NUP62CL: variants seen among roughly 807,000 people sequenced by gnomAD.
NUP62CL encodes nucleoporin 62 C-terminal like.
A neutral mutation model predicts 15.3 loss-of-function variants in NUP62CL; 13 were observed. That is an observed-to-expected ratio of 0.85 (90% CI 0.55 to 1.35). The LOEUF is 1.35. Among genes scored for constraint, NUP62CL ranks in the 40% most tolerant of loss-of-function variants. The probability of loss-of-function intolerance (pLI) is 0.00; values close to 1 mark genes in which losing one functional copy is unlikely to be tolerated. For missense variants in NUP62CL, 123 were observed against 130.6 expected (o/e 0.94, Z 0.28); for synonymous variants, 54 against 49.2 (o/e 1.10, Z -0.41).
chrX:107,198,712 G>T (rs1927415855), intron 1 of NUP62CL, among the ~76,000 whole-genome samples: 1 of 111,532 alleles, frequency 9.0e-6, no homozygotes, highest in African/African-American at 3.3e-5. Context: ...AACACTCACT[G>T]CAAAGGTCTG....
chrX:107,186,902 A>G (rs1335829634), intron 2 of NUP62CL, among the ~76,000 whole-genome samples: 1 of 111,838 alleles, frequency 8.9e-6, no homozygotes, highest in East Asian at 2.8e-4. Flanking sequence ...AAACAAAACA[A>G]AAGAATACAC....
intron 5 of NUP62CL, 59 bp from the exon 6 acceptor site, chrX:107,153,562 G>C: frequency 1.4e-6 from 1 of 738,230 alleles, no homozygotes; most frequent in Admixed American, 3.5e-5. Flanking sequence ...AACAATTTTA[G>C]AGCAATATTA....
intron 4 of NUP62CL, among the ~76,000 whole-genome samples, chrX:107,159,087 T>C (rs1409782316): frequency 3.2e-5 from 1 of 31,561 alleles, no homozygotes; most frequent in Non-Finnish European, 4.2e-5. Context: ...CAGGAAGAAG[T>C]TGAATCTCTG....
intron 2 of NUP62CL, among the ~76,000 whole-genome samples, chrX:107,181,629 C>T (rs1926922576): frequency 9.0e-6 from 1 of 110,773 alleles, no homozygotes; most frequent in Non-Finnish European, 1.9e-5. Context: ...CAAGTCCTTC[C>T]TTCCTTTCCT....
intron 4 of NUP62CL, among the ~76,000 whole-genome samples, chrX:107,157,771 C>T (rs1926244663): frequency 9.0e-6 from 1 of 111,233 alleles, no homozygotes; most frequent in East Asian, 2.8e-4. Flanking sequence ...CAAATTCACA[C>T]ATAACAACAC....
At chrX:107,144,345 G>A (rs1487248283) in intron 8 of NUP62CL, among the ~76,000 whole-genome samples, 2 of 111,871 alleles carry the variant, frequency 1.8e-5, no homozygotes, top group African/African-American at 6.5e-5. Flanking sequence ...TAATAAGGAA[G>A]TCTGGATCCT....
intron 8 of NUP62CL, among the ~76,000 whole-genome samples, chrX:107,133,426 C>G (rs1283101622): frequency 9.0e-6 from 1 of 111,444 alleles, no homozygotes; most frequent in Non-Finnish European, 1.9e-5. Context: ...CCTTGAACTC[C>G]CGGGCTCAGG....
At chrX:107,160,986 C>T (rs1193494064) in intron 4 of NUP62CL, among the ~76,000 whole-genome samples, 1 of 111,435 alleles carries the variant, frequency 9.0e-6, no homozygotes. Flanking sequence ...TGAACAGACA[C>T]TTCTCAAAAG....
chrX:107,197,885 C>G (rs1927392186), intron 1 of NUP62CL, among the ~76,000 whole-genome samples: 1 of 111,986 alleles, frequency 8.9e-6, no homozygotes, highest in Non-Finnish European at 1.9e-5. Flanking sequence ...AAGTGAATAA[C>G]CAAAATATTA....
intron 1 of NUP62CL, among the ~76,000 whole-genome samples, chrX:107,201,079 A>G (rs1196988566): frequency 2.7e-5 from 3 of 112,016 alleles, no homozygotes; most frequent in Non-Finnish European, 3.8e-5. Context: ...ATTTTTTAAT[A>G]GGAATGTTCA....
chrX:107,165,048 C>T (rs1926481056), intron 4 of NUP62CL, among the ~76,000 whole-genome samples: 1 of 112,363 alleles, frequency 8.9e-6, no homozygotes, highest in Non-Finnish European at 1.9e-5. Context: ...TTGCAGTGAG[C>T]CGAGATCGTG....
chrX:107,195,854 A>G (rs1318509819), intron 1 of NUP62CL, among the ~76,000 whole-genome samples: 2 of 111,366 alleles, frequency 1.8e-5, no homozygotes, highest in African/African-American at 6.5e-5. Flanking sequence ...ATAAATTATA[A>G]TATTATTATA....
In NUP62CL at chrX:107,162,900, T is replaced by C. The variant is rs761331886; in HGVS notation, c.194+4749A>G. On this transcript the variant is annotated intron_variant, in intron 4 of 8. Transcript: ENST00000372466. ...TAGATCCCTTGCATGTGTAGTTTAC[T>C]ATAGGGTTCACGCTCCTATGAGAAT... Among the ~76,000 whole-genome samples the C allele has an allele frequency of 2.9e-3, 318 of 110,861 alleles. 2 individuals are homozygous for C. The highest frequency in any genetic ancestry group is 9.9e-3 in the African/African-American group (301 of 30,475).
chrX:107,157,693 A>T (rs1310239736), intron 4 of NUP62CL, among the ~76,000 whole-genome samples: 26 of 109,510 alleles, frequency 2.4e-4, no homozygotes, highest in South Asian at 4.1e-4. Context: ...TGTAAAGACC[A>T]TCAAGACTAG....
At chrX:107,144,579 C>T (rs1364290118) in intron 8 of NUP62CL, among the ~76,000 whole-genome samples, 1 of 112,180 alleles carries the variant, frequency 8.9e-6, no homozygotes, top group Non-Finnish European at 1.9e-5. Flanking sequence ...GCCCAAATTA[C>T]TTTTTGACAC....
chrX:107,145,922 T>G (rs937729461), intron 8 of NUP62CL, among the ~76,000 whole-genome samples: 3 of 111,903 alleles, frequency 2.7e-5, no homozygotes, highest in Non-Finnish European at 5.7e-5. Context: ...TTCCTGAGAT[T>G]AGATTCAAGT....
chrX:107,168,163 T>C (rs1400092932), intron 3 of NUP62CL, among the ~76,000 whole-genome samples: 1 of 111,907 alleles, frequency 8.9e-6, no homozygotes, highest in Non-Finnish European at 1.9e-5. Context: ...TCTCTGTACA[T>C]CTATATCTTT....
chrX:107,159,689 A>G (rs1342146249), intron 4 of NUP62CL, among the ~76,000 whole-genome samples: 2 of 64,486 alleles, frequency 3.1e-5, no homozygotes, highest in Non-Finnish European at 5.7e-5. Flanking sequence ...GAATGGGCAA[A>G]AACTGGAAGC....
intron 7 of NUP62CL, among the ~76,000 whole-genome samples, chrX:107,152,079 G>T (rs2343173): frequency 0.026 from 975 of 36,969 alleles, 70 homozygotes; most frequent in East Asian, 0.066. Context: ...TATATATTCA[G>T]ATATATATAT....
Sources: allele counts gnomAD v4.1 joint callset (sites outside exome capture counted in the v4.1 genomes callset), GRCh38; gene constraint gnomAD v4.1.1; transcripts MANE v1.5; gene names NCBI Gene and HGNC (gene_info 2026-07-23, HGNC 2026-07-21).